Variants in MCMBP observed in about 807,000 individuals in gnomAD.
The protein encoded by MCMBP is minichromosome maintenance complex binding protein.
A neutral mutation model predicts 81.3 loss-of-function variants in MCMBP; 31 were observed. That is an observed-to-expected ratio of 0.38 (90% confidence interval 0.29 to 0.51). MCMBP has a LOEUF of 0.51. Ranked by LOEUF, MCMBP falls within the 20% of genes least tolerant of loss-of-function variation. The pLI is 0.87. For missense variants in MCMBP, 645 were observed against 772.1 expected, an observed-to-expected ratio of 0.84 and a Z score of 1.95; for synonymous variants, 267 against 275.9, an observed-to-expected ratio of 0.97 and a Z score of 0.32.
At chr10:119,871,742 T>A (rs150381569) in intron 1 of MCMBP, among the ~76,000 whole-genome samples, 6 of 152,192 alleles carry the variant, frequency 3.9e-5, no homozygotes, top group Non-Finnish European at 8.8e-5. Context: ...CGCCACTCAT[T>A]ACGTGTAAAA....
chr10:119,852,819 C>T (rs1564880483), intron 6 of MCMBP, among the ~76,000 whole-genome samples: 1 of 152,230 alleles, frequency 6.6e-6, no homozygotes, highest in Non-Finnish European at 1.5e-5. Flanking sequence ...CAGATAGTCA[C>T]TTGAGACTCC....
chr10:119,872,509 C>G lies in MCMBP; in HGVS notation c.58+18G>C. ...ACTCGGCTGCCCGCCCGGCCCGCCCCCCGGCGCCGCCACTCACCGAAGAAT... is the reference window on the plus strand; with the variant it reads ...ACTCGGCTGCCCGCCCGGCCCGCCCGCCGGCGCCGCCACTCACCGAAGAAT... On this transcript the variant is annotated intron_variant, in intron 1 of 15. Coordinates refer to ENST00000369077, the MANE Select transcript of MCMBP (RefSeq NM_001256378.2). 1.7e-6 allele frequency: 2 copies of G among 1,188,958 alleles called. No individual in the cohort carries two copies. Among genetic ancestry groups the G allele is most frequent in the African/African-American group, 1.6e-5 (1 of 61,836 alleles). The allele number at this position is 1,188,958 out of a possible 1,614,324, so 73.7% of individuals were successfully genotyped here.
intron 1 of MCMBP, among the ~76,000 whole-genome samples, chr10:119,866,091 T>TA (rs60232741): frequency 0.034 from 4,367 of 129,354 alleles, 113 homozygotes; most frequent in Admixed American, 0.11. Flanking sequence ...CTCTATCTCT[T>TA]AAAAAAAAAA....
intron 7 of MCMBP, among the ~76,000 whole-genome samples, 163 bp downstream of exon 7, chr10:119,849,262 A>G (rs901245053): frequency 6.6e-6 from 1 of 152,212 alleles, no homozygotes; most frequent in African/African-American, 2.4e-5. Flanking sequence ...TTTCTGACCT[A>G]AAGCCTGTAA....
Position 119,849,518 on chromosome 10 carries a change from A to G in MCMBP, c.633T>C (p.Ser211=). 1 of 1,608,080 alleles carries G rather than the reference A, an allele frequency of 6.2e-7. No homozygotes were observed. The highest frequency in any genetic ancestry group is 8.5e-7 in the Non-Finnish European group (1 of 1,178,020). The change falls in exon 7 of 16, where the codon TCT becomes TCC. Residue 211 remains serine (S), a synonymous_variant. Coordinates refer to ENST00000369077, the MANE Select transcript of MCMBP (RefSeq NM_001256378.2). ...TCAGAGAGTTCAGCTGTTGCCCAGT[A>G]GAAGCTTCAGTTTCTAAACGTTTTG... is the stretch of plus-strand genomic sequence containing the variant. ...GEPKRLETEA[S]TGQQLNSLNL...
chr10:119,836,762 T>TTTG (rs1852260789), intron 13 of MCMBP, 134 bp downstream of exon 13: 5 of 13,968 alleles, frequency 3.6e-4, no homozygotes, highest in Non-Finnish European at 5.7e-4. Flanking sequence ...TCACAGTTTT[T>TTTG]TTTTTTTTTT....
chr10:119,865,950 AG>A (rs1853435308), intron 1 of MCMBP, among the ~76,000 whole-genome samples: 1 of 152,042 alleles, frequency 6.6e-6, no homozygotes, highest in Non-Finnish European at 1.5e-5. Context: ...GTGGTAATAC[AG>A]GTAATACATG....
intron 14 of MCMBP, among the ~76,000 whole-genome samples, chr10:119,833,292 G>T (rs950286234): frequency 5.9e-5 from 9 of 152,044 alleles, no homozygotes; most frequent in Non-Finnish European, 1.2e-4. Flanking sequence ...AAACCCTAGG[G>T]AGGTTTAATT....
At chr10:119,867,464 CTTT>C (rs1853512357) in intron 1 of MCMBP, among the ~76,000 whole-genome samples, 2 of 152,042 alleles carry the variant, frequency 1.3e-5, no homozygotes, top group African/African-American at 2.4e-5. Context: ...TATTCTTCTT[CTTT>C]GAGAACGCCC....
rs777817708 is a variant in MCMBP at position 119,843,324 on chromosome 10, G to C, written c.930C>G (p.Ile310Met). ...PASLVPRIHV[I>M]LAQKLQHINP... The stretch of plus-strand genomic sequence containing the variant: ...TGATGTGTTGCAACTTCTGGGCTAA[G>C]ATCACATGAATTCTCGGCACTAATG... The change falls in exon 9 of 16, where the codon ATC (isoleucine) becomes ATG (methionine). Residue 310 changes from isoleucine to methionine, a missense_variant. By Grantham distance (10) the Ile-to-Met change is conservative. Transcript: ENST00000369077. 1.9e-5 allele frequency: 31 copies of C among 1,613,944 alleles called. No individual in the cohort carries two copies. The highest frequency in any genetic ancestry group is 2.5e-5 in the Non-Finnish European group (30 of 1,179,954).
chr10:119,872,346 C>T (rs1246563271), intron 1 of MCMBP, among the ~76,000 whole-genome samples, 181 bp downstream of exon 1: 1 of 152,056 alleles, frequency 6.6e-6, no homozygotes, highest in Non-Finnish European at 1.5e-5. Context: ...GCTCCTGCCC[C>T]TGCCTGCTGC....
chr10:119,830,161 T>C lies in MCMBP; in HGVS notation c.*1313A>G, dbSNP rs1395904762. On this transcript the variant is annotated 3_prime_UTR_variant, in exon 16 of 16. Transcript: ENST00000369077. ...TTATTAGGTACAATGAATTCCTTGA[T>C]TTTTCAAGGCTGACCCTGTTTCCTT... is the stretch of plus-strand genomic sequence containing the variant. The C allele has an allele frequency of 6.6e-6, 1 of 152,668 alleles. No individual in the cohort carries two copies. The highest frequency in any genetic ancestry group is 1.5e-5 in the Non-Finnish European group (1 of 68,036). 9.5% of individuals were successfully genotyped at this position (152,668 alleles called of 1,614,324 possible). A position where few individuals can be genotyped will look rare whatever the true frequency, so the allele number is the denominator to read the frequency against.
At chr10:119,842,944 G>T in intron 9 of MCMBP, 1 of 378,608 alleles carries the variant, frequency 2.6e-6, no homozygotes, top group Non-Finnish European at 5.1e-6. Context: ...GTAGAGCCAG[G>T]GTTTCACTAT....
At chr10:119,836,696 T>C (rs1852253512) in intron 13 of MCMBP, among the ~76,000 whole-genome samples, 200 bp downstream of exon 13, 1 of 151,466 alleles carries the variant, frequency 6.6e-6, no homozygotes, top group Non-Finnish European at 1.5e-5. Flanking sequence ...GCTTGGTAGA[T>C]GTAAGGTTTT....
At chr10:119,839,992 G>T (rs917536665) in intron 11 of MCMBP, among the ~76,000 whole-genome samples, 1 of 152,348 alleles carries the variant, frequency 6.6e-6, no homozygotes, top group Non-Finnish European at 1.5e-5. Context: ...TTGCAAGAAT[G>T]TAAAACAATG....
rs759794185 is a variant in MCMBP at position 119,840,974 on chromosome 10, A to AAATC, written c.1125-18_1125-15dup. Reference sequence around the variant, plus strand: ...CTTCTTGTATATCTAGAAAAGAAAGAAATCAATCAATAAGATGCTGAAGTG... The same window carrying AAATC: ...CTTCTTGTATATCTAGAAAAGAAAGAAATCAATCAATCAATAAGATGCTGAAGTG... On this transcript the variant is annotated splice_polypyrimidine_tract_variant and intron_variant, in intron 10 of 15. Coordinates refer to ENST00000369077, the MANE Select transcript of MCMBP (RefSeq NM_001256378.2). 2 of 1,438,864 alleles carry AAATC rather than the reference A, an allele frequency of 1.4e-6. No homozygotes were observed. Among genetic ancestry groups the AAATC allele is most frequent in the African/African-American group, 2.8e-5 (2 of 71,280 alleles). The allele number at this position is 1,438,864 out of a possible 1,614,324, so 89.1% of individuals were successfully genotyped here.
rs150347239 is a variant in MCMBP, at chr10:119,860,521, A to C, written c.59-637T>G. Among the ~76,000 whole-genome samples the C allele has an allele frequency of 3.0e-3, 452 of 152,308 alleles. 1 individual carries two copies. Among genetic ancestry groups the C allele is most frequent in the Middle Eastern group, 0.014 (4 of 294 alleles). On this transcript the variant is annotated intron_variant, in intron 1 of 15. Transcript: ENST00000369077. The stretch of plus-strand genomic sequence containing the variant: ...CCTCAGGAAATTCAAAATTGGCACA[A>C]TACTTTTTATTTAATCTACCATCTA...
intron 7 of MCMBP, among the ~76,000 whole-genome samples, chr10:119,849,134 C>T (rs192539897): frequency 1.3e-5 from 2 of 152,230 alleles, no homozygotes; most frequent in Admixed American, 1.3e-4. Flanking sequence ...TGCAATGTTG[C>T]TGGCTATGAA....
chr10:119,846,317 T>C (rs1441975635), intron 8 of MCMBP, among the ~76,000 whole-genome samples: 1 of 152,204 alleles, frequency 6.6e-6, no homozygotes, highest in African/African-American at 2.4e-5. Flanking sequence ...TAGTCTATAC[T>C]AAATATAAGT....
Sources: gnomAD v4.1 joint callset for allele counts (sites outside exome capture counted in the v4.1 genomes callset) on GRCh38, gnomAD v4.1.1 for gene constraint, MANE v1.5 for transcripts, NCBI Gene and HGNC (gene_info 2026-07-23, HGNC 2026-07-21) for gene names.